NTM: variants seen among roughly 807,000 people sequenced by gnomAD.
NTM encodes the protein IgLON family member 2.
NTM carries 13 observed loss-of-function variants against 42.1 expected under a neutral mutation model. That is an observed-to-expected ratio of 0.31 (90% CI 0.20 to 0.49). NTM has a LOEUF of 0.49. Among genes scored for constraint, NTM ranks in the 20% least tolerant of loss-of-function variants. The pLI is 0.99. For synonymous variants in NTM, 187 were observed against 179.2 expected, an observed-to-expected ratio of 1.04 and a Z score of -0.35; for missense variants, 373 against 452.8, an observed-to-expected ratio of 0.82 and a Z score of 1.60.
At chr11:132,009,838 T>A (rs2071695102) in intron 2 of NTM, among the ~76,000 whole-genome samples, 1 of 152,210 alleles carries the variant, frequency 6.6e-6, no homozygotes, top group African/African-American at 2.4e-5. Context: ...GTGATCATGA[T>A]GCTGGTTCTC....
intron 1 of NTM, among the ~76,000 whole-genome samples, chr11:131,699,101 A>G (rs1372275147): frequency 6.6e-6 from 1 of 152,216 alleles, no homozygotes; most frequent in Admixed American, 6.5e-5. Context: ...ATGCTTGTAA[A>G]TTATACCTTA....
intron 1 of NTM, among the ~76,000 whole-genome samples, chr11:131,830,146 G>C (rs1176159034): frequency 6.6e-6 from 1 of 152,124 alleles, no homozygotes; most frequent in Non-Finnish European, 1.5e-5. Context: ...TCTGTTGATA[G>C]TTTCTTTTGC....
intron 1 of NTM, among the ~76,000 whole-genome samples, chr11:131,858,285 TTCTCTCCC>T (rs745314180): frequency 2.6e-5 from 4 of 152,084 alleles, no homozygotes; most frequent in Non-Finnish European, 4.4e-5. Context: ...AGCAAGTTGA[TTCTCTCCC>T]TCTCTCCCTC....
chr11:132,156,512 G>A (rs565298977), intron 3 of NTM, among the ~76,000 whole-genome samples: 1 of 152,320 alleles, frequency 6.6e-6, no homozygotes, highest in East Asian at 1.9e-4. Flanking sequence ...TTAAAATGTG[G>A]CATTTGTCTG....
At chr11:131,757,308 T>G (rs1248201595) in intron 1 of NTM, among the ~76,000 whole-genome samples, 1 of 152,234 alleles carries the variant, frequency 6.6e-6, no homozygotes, top group Non-Finnish European at 1.5e-5. Context: ...TCTCATCATC[T>G]CTTTCACTTC....
intron 4 of NTM, among the ~76,000 whole-genome samples, chr11:132,231,291 A>T (rs1215422838): frequency 6.6e-6 from 1 of 152,198 alleles, no homozygotes; most frequent in South Asian, 2.1e-4. Context: ...TACAAGGGCT[A>T]CCATTTTCTT....
intron 1 of NTM, among the ~76,000 whole-genome samples, chr11:131,723,910 G>T (rs111797785): frequency 4.6e-5 from 7 of 152,248 alleles, no homozygotes; most frequent in African/African-American, 1.4e-4. Flanking sequence ...TAAAGATATT[G>T]CGTCTATCTG....
At chr11:131,400,979 CCACACACACACACACACA>C (rs56256717) in intron 1 of NTM, among the ~76,000 whole-genome samples, 1 of 141,646 alleles carries the variant, frequency 7.1e-6, no homozygotes, top group South Asian at 2.4e-4. Flanking sequence ...CTGCCACCTG[CCACACACACACACACACA>C]CACACACACA....
chr11:132,258,340 G>A (rs529822251), intron 4 of NTM, among the ~76,000 whole-genome samples: 79 of 152,238 alleles, frequency 5.2e-4, no homozygotes, highest in Admixed American at 2.0e-3. Context: ...CAAGTTCAGA[G>A]TGAACATGCG....
chr11:131,614,346 C>T (rs1265950083), intron 1 of NTM, among the ~76,000 whole-genome samples: 1 of 152,224 alleles, frequency 6.6e-6, no homozygotes, highest in Non-Finnish European at 1.5e-5. Flanking sequence ...AATCCTGCCC[C>T]ATGCTCCATG....
rs1449468254 is a variant in NTM at position 131,425,091 on chromosome 11, A to G, written c.82+54203A>G. 2.6e-5 allele frequency among the ~76,000 whole-genome samples: 4 copies of G among 151,260 alleles called. No individual in the cohort carries two copies. In the East Asian group the frequency reaches 8.0e-4, roughly 30 times the overall value. On this transcript the variant is annotated intron_variant, in intron 1 of 8. Transcript: ENST00000683400. ...GAGACAGGGTTTCATCATGTTGGCC[A>G]GGCTGGTTTTGAACATCTGGCCTCA...
Position 132,212,004 on chromosome 11 carries a change from T to C in NTM, c.401-18T>C, listed in dbSNP as rs1419423052. 1 of 1,600,830 alleles carries C rather than the reference T, an allele frequency of 6.2e-7. No individual in the cohort carries two copies. The highest frequency in any genetic ancestry group is 8.5e-7 in the Non-Finnish European group (1 of 1,175,754). ...GTTTCAGGAGGATTTTTATTTTCATTCTGTCTTGTTTCCACAGTATCTCCC... is the reference window on the plus strand; with the variant it reads ...GTTTCAGGAGGATTTTTATTTTCATCCTGTCTTGTTTCCACAGTATCTCCC... On this transcript the variant is annotated intron_variant, in intron 3 of 8. Coordinates refer to ENST00000683400, the MANE Select transcript of NTM (RefSeq NM_001352005.2).
At chr11:131,454,753 G>A (rs1950743824) in intron 1 of NTM, among the ~76,000 whole-genome samples, 1 of 152,068 alleles carries the variant, frequency 6.6e-6, no homozygotes, top group Non-Finnish European at 1.5e-5. Flanking sequence ...ATTAATGACA[G>A]CTGCATTACA....
At chr11:131,464,793 T>G (rs1951736927) in intron 1 of NTM, among the ~76,000 whole-genome samples, 1 of 152,184 alleles carries the variant, frequency 6.6e-6, no homozygotes, top group Non-Finnish European at 1.5e-5. Flanking sequence ...GCGAGGGATC[T>G]AGGAGAGCCA....
chr11:131,583,466 C>T (rs944040461), intron 1 of NTM, among the ~76,000 whole-genome samples: 2 of 152,178 alleles, frequency 1.3e-5, no homozygotes, highest in East Asian at 3.9e-4. Flanking sequence ...AAACAAACTG[C>T]TGTAATTGGG....
chr11:131,699,408 G>A (rs1052797232), intron 1 of NTM, among the ~76,000 whole-genome samples: 3 of 152,196 alleles, frequency 2.0e-5, no homozygotes, highest in African/African-American at 4.8e-5. Flanking sequence ...CAGTGAGTAA[G>A]TGCTATGATA....
chr11:131,801,111 A>G (rs2092069894), intron 1 of NTM, among the ~76,000 whole-genome samples: 1 of 152,166 alleles, frequency 6.6e-6, no homozygotes, highest in South Asian at 2.1e-4. Flanking sequence ...CTTTTACACA[A>G]CACCCAATGA....
At chr11:131,465,431 G>C (rs1951793117) in intron 1 of NTM, among the ~76,000 whole-genome samples, 1 of 152,092 alleles carries the variant, frequency 6.6e-6, no homozygotes. Flanking sequence ...AGAAGTACTA[G>C]ACTGGTGAAG....
chr11:131,782,189 A>G (rs777618326), intron 1 of NTM, among the ~76,000 whole-genome samples: 1 of 152,206 alleles, frequency 6.6e-6, no homozygotes, highest in Non-Finnish European at 1.5e-5. Flanking sequence ...AATTAGTGAA[A>G]CAGAGATGAA....
Sources: allele counts gnomAD v4.1 joint callset (sites outside exome capture counted in the v4.1 genomes callset), GRCh38; gene constraint gnomAD v4.1.1; transcripts MANE v1.5; gene names NCBI Gene and HGNC (gene_info 2026-07-23, HGNC 2026-07-21).